ADGRL3: variants seen among roughly 807,000 people sequenced by gnomAD.
ADGRL3 encodes the protein adhesion G protein-coupled receptor L3.
ADGRL3 carries 62 observed loss-of-function variants against 153.5 expected under a neutral mutation model. The ratio of observed to expected loss-of-function variants is 0.40; its 90% CI spans 0.33 to 0.50. The LOEUF is 0.50. ADGRL3 is among the 20% of genes least tolerant of loss of function. The pLI, the probability that ADGRL3 is intolerant of heterozygous loss-of-function variation, is 0.47. For synonymous variants in ADGRL3, 710 were observed against 672.5 expected, an observed-to-expected ratio of 1.06 and a Z score of -0.86; for missense variants, 1,641 against 1,859.4, an observed-to-expected ratio of 0.88 and a Z score of 2.16.
chr4:61,308,421 C>T (rs1252852842), intron 1 of ADGRL3, among the ~76,000 whole-genome samples: 1 of 152,126 alleles, frequency 6.6e-6, no homozygotes, highest in African/African-American at 2.4e-5. Context: ...TCATTTTTGT[C>T]ATACACTTGA....
chr4:61,909,641 AC>A lies in ADGRL3; in HGVS notation c.1971del (p.Tyr658ThrfsTer10), dbSNP rs2098712561. The A allele has an allele frequency of 6.2e-7, 1 of 1,612,642 alleles. No homozygotes were observed. Among genetic ancestry groups the A allele is most frequent in the Non-Finnish European group, 8.5e-7 (1 of 1,179,402 alleles). ...AAATCACTTGAATGCTGGGGACATC[AC>A]CTACTCTGTCCGGGCCATGGACCAG... ...TRNHLNAGDI[T>X]YSVRAMDQLV... On this transcript the variant is annotated frameshift_variant, in exon 12 of 27. Coordinates refer to ENST00000683033, the MANE Select transcript of ADGRL3 (RefSeq NM_001387552.1). LOFTEE classifies it high-confidence loss of function.
At chr4:61,833,933 A>G (rs991531551) in intron 9 of ADGRL3, among the ~76,000 whole-genome samples, 3 of 149,934 alleles carry the variant, frequency 2.0e-5, no homozygotes, top group African/African-American at 7.4e-5. Context: ...TCACTGTCTC[A>G]GTCATAATTT....
intron 4 of ADGRL3, among the ~76,000 whole-genome samples, chr4:61,579,785 T>G (rs2098915848): frequency 6.6e-6 from 1 of 152,132 alleles, no homozygotes. Context: ...TTTGTTACAC[T>G]TAGTTAAATG....
chr4:61,764,074 T>G (rs969204912), intron 8 of ADGRL3, among the ~76,000 whole-genome samples: 5 of 152,210 alleles, frequency 3.3e-5, no homozygotes, highest in African/African-American at 1.2e-4. Flanking sequence ...TCCTGGGGTT[T>G]CAGGAATATT....
intron 2 of ADGRL3, among the ~76,000 whole-genome samples, chr4:61,389,072 C>A (rs1560559831): frequency 6.6e-6 from 1 of 152,070 alleles, no homozygotes; most frequent in Non-Finnish European, 1.5e-5. Context: ...TTATATTGCA[C>A]CATTGGCTTT....
chr4:61,752,869 G>C (rs952650419), intron 8 of ADGRL3, among the ~76,000 whole-genome samples: 9 of 152,288 alleles, frequency 5.9e-5, no homozygotes, highest in African/African-American at 2.2e-4. Context: ...GGGAGGTGGA[G>C]ATTGCAGTGA....
At chr4:61,498,122 C>T (rs1483923403) in intron 3 of ADGRL3, among the ~76,000 whole-genome samples, 2 of 152,026 alleles carry the variant, frequency 1.3e-5, no homozygotes, top group African/African-American at 2.4e-5. Flanking sequence ...TTTCCAAAAC[C>T]AAGTAATTAT....
intron 2 of ADGRL3, chr4:61,420,320 A>C (rs2097188807): frequency 6.6e-6 from 1 of 152,014 alleles, no homozygotes; most frequent in African/African-American, 2.4e-5. Flanking sequence ...TGGTTTCCAT[A>C]AAATATTCAT....
At chr4:61,809,312 C>A (rs939969005) in intron 8 of ADGRL3, among the ~76,000 whole-genome samples, 21 of 152,028 alleles carry the variant, frequency 1.4e-4, no homozygotes, top group Admixed American at 6.6e-4. Context: ...TTGATATCTT[C>A]TTTTATCCAT....
chr4:61,748,008 A>T (rs2096693255), intron 8 of ADGRL3, among the ~76,000 whole-genome samples: 1 of 152,004 alleles, frequency 6.6e-6, no homozygotes, highest in Non-Finnish European at 1.5e-5. Context: ...ACTTCAGCAA[A>T]GTCTCAGGAT....
intron 4 of ADGRL3, among the ~76,000 whole-genome samples, chr4:61,540,205 T>A (rs1015900732): frequency 6.6e-6 from 1 of 152,298 alleles, no homozygotes; most frequent in East Asian, 1.9e-4. Context: ...CCTCAAAGTC[T>A]GAAATATTTA....
chr4:61,542,819 T>A (rs2098696406), intron 4 of ADGRL3, among the ~76,000 whole-genome samples: 1 of 152,218 alleles, frequency 6.6e-6, no homozygotes, highest in Admixed American at 6.5e-5. Flanking sequence ...CTCTCTTCAA[T>A]ACACTTTAAT....
At chr4:61,681,416 TATTACTTATTCTA>T (rs1454283632) in intron 6 of ADGRL3, among the ~76,000 whole-genome samples, 3 of 152,098 alleles carry the variant, frequency 2.0e-5, no homozygotes, top group African/African-American at 7.2e-5. Flanking sequence ...ATAAAGCATA[TATTACTTATTCTA>T]GCAATCTTCT....
intron 17 of ADGRL3, among the ~76,000 whole-genome samples, chr4:61,950,425 AT>A (rs879596578): frequency 3.9e-5 from 6 of 152,248 alleles, no homozygotes; most frequent in Non-Finnish European, 8.8e-5. Context: ...TGTGAAGAAC[AT>A]TTCAATCAGA....
intron 4 of ADGRL3, among the ~76,000 whole-genome samples, chr4:61,563,738 G>A (rs926333601): frequency 2.6e-5 from 4 of 152,212 alleles, no homozygotes; most frequent in East Asian, 1.9e-4. Context: ...GGCCAGGCAC[G>A]GTGGCTCACG....
chr4:61,862,264 C>T (rs186002948), intron 9 of ADGRL3, among the ~76,000 whole-genome samples: 4 of 152,244 alleles, frequency 2.6e-5, no homozygotes, highest in East Asian at 3.9e-4. Flanking sequence ...GGCAAGGTCA[C>T]ATTCAAAAGA....
At chr4:61,909,449 C>A in intron 11 of ADGRL3, 111 bp from the exon 12 acceptor site, 1 of 695,896 alleles carries the variant, frequency 1.4e-6, no homozygotes, top group Non-Finnish European at 2.3e-6. Flanking sequence ...AGTTTAACAA[C>A]TATTTCTTGA....
intron 25 of ADGRL3, among the ~76,000 whole-genome samples, chr4:62,061,260 A>G (rs1739973650): frequency 6.6e-6 from 1 of 151,842 alleles, no homozygotes. Context: ...AGTGTGAGCC[A>G]CTGTGCCCTG....
At chr4:61,565,646 T>C (rs2149046338) in intron 4 of ADGRL3, among the ~76,000 whole-genome samples, 1 of 152,268 alleles carries the variant, frequency 6.6e-6, no homozygotes, top group Middle Eastern at 3.4e-3. Context: ...CAAGCGATTC[T>C]TCTGCCTCAG....
Sources: allele counts gnomAD v4.1 joint callset (sites outside exome capture counted in the v4.1 genomes callset), GRCh38; gene constraint gnomAD v4.1.1; transcripts MANE v1.5; gene names NCBI Gene and HGNC (gene_info 2026-07-23, HGNC 2026-07-21).